The following ETV6 variants were observed in gnomAD, a reference collection of about 807,000 sequenced individuals.
ETV6 encodes transcription factor ETV6.
A neutral mutation model predicts 51.1 loss-of-function variants in ETV6; 16 were observed. That is an observed-to-expected ratio of 0.31 (90% confidence interval 0.21 to 0.48). The LOEUF (loss-of-function observed/expected upper bound fraction) is 0.48. Ranked by LOEUF, ETV6 falls within the 20% of genes least tolerant of loss-of-function variation. The probability of loss-of-function intolerance (pLI) is 0.99; values close to 1 mark genes in which losing one functional copy is unlikely to be tolerated. For missense variants in ETV6, 458 were observed against 594.8 expected (o/e 0.77, Z 2.39); for synonymous variants, 240 against 224.1 (o/e 1.07, Z -0.64).
chr12:11,670,179 T>A (rs563636831), intron 1 of ETV6, among the ~76,000 whole-genome samples: 29 of 152,216 alleles, frequency 1.9e-4, no homozygotes, highest in Admixed American at 7.2e-4. Context: ...CACGTGGACA[T>A]AATAGTATTT....
intron 7 of ETV6, among the ~76,000 whole-genome samples, chr12:11,888,020 A>C (rs1451915401): frequency 6.6e-6 from 1 of 152,172 alleles, no homozygotes; most frequent in Non-Finnish European, 1.5e-5. Flanking sequence ...AGTGACAAGC[A>C]GTTTCATGAG....
intron 7 of ETV6, among the ~76,000 whole-genome samples, chr12:11,888,717 T>C (rs761243148): frequency 6.6e-6 from 1 of 152,142 alleles, no homozygotes; most frequent in Non-Finnish European, 1.5e-5. Context: ...TGTTTGTTTT[T>C]CTAGAGACAG....
Position 11,894,642 on chromosome 12 carries a change from AT to A in ETV6, c.*3599del, listed in dbSNP as rs1947365094. On this transcript the variant is annotated 3_prime_UTR_variant, in exon 8 of 8. Coordinates refer to ENST00000396373, the MANE Select transcript of ETV6 (RefSeq NM_001987.5). ...AGCTGAAATTCAAATGGCTGTGACA[AT>A]TTACCGAAATGATGAAGTAACCACC... 1 of 233,136 alleles carries A rather than the reference AT, an allele frequency of 4.3e-6. No individual in the cohort carries two copies. The highest frequency in any genetic ancestry group is 2.2e-5 in the African/African-American group (1 of 45,346). The allele number at this position is 233,136 out of a possible 1,614,324, so 14.4% of individuals were successfully genotyped here.
Position 11,891,096 on chromosome 12 carries a change from C to A in ETV6, c.*50C>A. The A allele has an allele frequency of 6.9e-7, 1 of 1,440,288 alleles. No homozygotes were observed. 89.2% of individuals were successfully genotyped at this position (1,440,288 alleles called of 1,614,324 possible). On this transcript the variant is annotated 3_prime_UTR_variant, in exon 8 of 8. Coordinates refer to ENST00000396373, the MANE Select transcript of ETV6 (RefSeq NM_001987.5). ...GGCCAGCAGCCCAGGGAACCCCTGCCCACCAGGATTGCTGGAAGTGTGACG... is the reference window on the plus strand; with the variant it reads ...GGCCAGCAGCCCAGGGAACCCCTGCACACCAGGATTGCTGGAAGTGTGACG...
chr12:11,751,952 T>C (rs1424045149), intron 1 of ETV6: 14 of 379,860 alleles, frequency 3.7e-5, no homozygotes, highest in African/African-American at 1.3e-4. Context: ...CTAGAACTTA[T>C]CTTTGAAGCT....
chr12:11,886,883 C>A (rs1031440109), intron 7 of ETV6, among the ~76,000 whole-genome samples: 1 of 152,134 alleles, frequency 6.6e-6, no homozygotes, highest in Non-Finnish European at 1.5e-5. Flanking sequence ...ACAAACACAA[C>A]CTTGGGTGAT....
intron 5 of ETV6, among the ~76,000 whole-genome samples, chr12:11,874,563 T>C (rs1946940321): frequency 6.9e-4 from 1 of 1,444 alleles, no homozygotes; most frequent in African/African-American, 9.2e-4. Flanking sequence ...TATGTGTATG[T>C]GCGTGTGTAC....
At chr12:11,808,378 A>G (rs887107208) in intron 2 of ETV6, among the ~76,000 whole-genome samples, 4 of 152,252 alleles carry the variant, frequency 2.6e-5, no homozygotes, top group Non-Finnish European at 4.4e-5. Flanking sequence ...TGCCCTTCAT[A>G]TCCGTGAGTT....
rs910082900 is a variant in ETV6 at position 11,828,760 on chromosome 12, C to T, written c.164-10380C>T. Among the ~76,000 whole-genome samples the T allele has an allele frequency of 6.6e-5, 10 of 152,160 alleles. No individual in the cohort carries two copies. In the South Asian group the frequency reaches 1.4e-3, roughly 22 times the overall value. ...GAGAAGTACTTGCTCTAATCTCTTC[C>T]CCACTCCCTTTTTGCTGTCCCCTCC... On this transcript the variant is annotated intron_variant, in intron 2 of 7. Coordinates refer to ENST00000396373, the MANE Select transcript of ETV6 (RefSeq NM_001987.5).
At chr12:11,834,460 A>G (rs974468795) in intron 2 of ETV6, among the ~76,000 whole-genome samples, 7 of 152,356 alleles carry the variant, frequency 4.6e-5, no homozygotes, top group South Asian at 4.1e-4. Context: ...GCTCAAATCA[A>G]TAAAATCACC....
In ETV6 at chr12:11,840,595, G is replaced by A. The variant is rs3752398; in HGVS notation, c.328+1291G>A. 422 of 444,808 alleles carry A rather than the reference G, an allele frequency of 9.5e-4. 10 individuals carry two copies. The East Asian group carries it at 0.023, about 24-fold the overall frequency. 27.6% of individuals were successfully genotyped at this position (444,808 alleles called of 1,614,324 possible). A position where few individuals can be genotyped will look rare whatever the true frequency, so the allele number is the denominator to read the frequency against. ...AATAAACTAACCGTCATGAGGAAAC[G>A]TCCCTCATTACAGGAGATGAGATAA... On this transcript the variant is annotated intron_variant, in intron 3 of 7. Transcript: ENST00000396373.
chr12:11,717,329 C>T (rs541494052), intron 1 of ETV6, among the ~76,000 whole-genome samples: 25 of 152,324 alleles, frequency 1.6e-4, no homozygotes, highest in African/African-American at 3.4e-4. Context: ...GATGCGCAGG[C>T]GGCGCTAAGT....
At chr12:11,700,479 T>G (rs776735880) in intron 1 of ETV6, among the ~76,000 whole-genome samples, 4 of 152,206 alleles carry the variant, frequency 2.6e-5, no homozygotes, top group Non-Finnish European at 5.9e-5. Context: ...AATATCTTAC[T>G]TTCTGTTTCT....
chr12:11,754,704 C>T (rs1218653439), intron 2 of ETV6, among the ~76,000 whole-genome samples: 1 of 152,216 alleles, frequency 6.6e-6, no homozygotes, highest in Admixed American at 6.5e-5. Flanking sequence ...TCCATACTAA[C>T]ACTTGAATTT....
chr12:11,709,042 G>A (rs1304990679), intron 1 of ETV6, among the ~76,000 whole-genome samples: 1 of 152,154 alleles, frequency 6.6e-6, no homozygotes, highest in Non-Finnish European at 1.5e-5. Flanking sequence ...TTGAGGTGAT[G>A]CACACGTGTG....
chr12:11,759,299 G>C (rs970429586), intron 2 of ETV6, among the ~76,000 whole-genome samples: 1 of 152,062 alleles, frequency 6.6e-6, no homozygotes, highest in Non-Finnish European at 1.5e-5. Flanking sequence ...CCCTGGTTTC[G>C]CTGTGGGGGA....
intron 2 of ETV6, among the ~76,000 whole-genome samples, chr12:11,827,068 TCTCA>T (rs1345842433): frequency 1.0e-5 from 1 of 100,420 alleles, no homozygotes; most frequent in Non-Finnish European, 2.0e-5. Context: ...GAGAAGTCTG[TCTCA>T]CACACACACA....
intron 1 of ETV6, among the ~76,000 whole-genome samples, chr12:11,675,917 T>A (rs1206695832): frequency 6.7e-6 from 1 of 150,018 alleles, no homozygotes; most frequent in Non-Finnish European, 1.5e-5. Context: ...GGGAGAGAAA[T>A]TGATGCAGGA....
At chr12:11,843,129 G>A (rs1257191822) in intron 3 of ETV6, among the ~76,000 whole-genome samples, 1 of 152,198 alleles carries the variant, frequency 6.6e-6, no homozygotes, top group Non-Finnish European at 1.5e-5. Flanking sequence ...ATTTCAAGGC[G>A]ATGCCTGCCA....
Sources: allele counts gnomAD v4.1 joint callset (sites outside exome capture counted in the v4.1 genomes callset), GRCh38; gene constraint gnomAD v4.1.1; transcripts MANE v1.5; gene names NCBI Gene and HGNC (gene_info 2026-07-23, HGNC 2026-07-21).